MRPS28: variants seen among roughly 807,000 people sequenced by gnomAD.
MRPS28 encodes small ribosomal subunit protein bS1m.
A neutral mutation model predicts 10.8 loss-of-function variants in MRPS28; 7 were observed. That is an observed-to-expected ratio of 0.65 (90% CI 0.37 to 1.22). MRPS28 has a LOEUF of 1.22. Among genes scored for constraint, MRPS28 ranks in the 50% most tolerant of loss-of-function variants. The pLI, the probability that MRPS28 is intolerant of heterozygous loss-of-function variation, is 0.02. For missense variants in MRPS28, 265 were observed against 232.9 expected, an observed-to-expected ratio of 1.14 and a Z score of -0.90; for synonymous variants, 121 against 93.3, an observed-to-expected ratio of 1.30 and a Z score of -1.71.
At chr8:79,919,946 C>CCTCCCCT (rs1342135335) in intron 2 of MRPS28, among the ~76,000 whole-genome samples, 2 of 119,028 alleles carry the variant, frequency 1.7e-5, no homozygotes, top group Non-Finnish European at 3.4e-5. Flanking sequence ...ATCCCTCCCC[C>CCTCCCCT]CACCCCATAA....
At chr8:80,024,695 G>A (rs1809454728) in intron 1 of MRPS28, among the ~76,000 whole-genome samples, 1 of 152,166 alleles carries the variant, frequency 6.6e-6, no homozygotes. Flanking sequence ...CCATCAAACT[G>A]TTTAAATTTC....
rs1462480331 is a variant in MRPS28 at position 80,007,809 on chromosome 8, A to G, written c.214-4629T>C. 1.8e-3 allele frequency among the ~76,000 whole-genome samples: 281 copies of G among 152,178 alleles called. 4 individuals are homozygous for G. The highest frequency in any genetic ancestry group is 1.4e-3 in the Non-Finnish European group (98 of 67,988). On this transcript the variant is annotated intron_variant, in intron 1 of 2. Coordinates refer to ENST00000276585, the MANE Select transcript of MRPS28 (RefSeq NM_014018.3). ...AATGGAAGAACATTCCATGCTCATG[A>G]ATAGGAAGAATCAATATCATGAAAA...
intron 2 of MRPS28, among the ~76,000 whole-genome samples, chr8:79,933,725 G>T (rs1013795775): frequency 6.6e-6 from 1 of 152,118 alleles, no homozygotes; most frequent in African/African-American, 2.4e-5. Context: ...GAAGTATCAA[G>T]GAATTCTTGG....
chr8:79,968,069 T>A (rs1037128056), intron 2 of MRPS28, among the ~76,000 whole-genome samples: 1 of 152,136 alleles, frequency 6.6e-6, no homozygotes, highest in African/African-American at 2.4e-5. Context: ...TATTTACTTA[T>A]CAATTCTTAC....
chr8:79,973,839 TAAAA>T (rs11449920), intron 2 of MRPS28, among the ~76,000 whole-genome samples: 3 of 136,120 alleles, frequency 2.2e-5, no homozygotes, highest in African/African-American at 8.2e-5. Flanking sequence ...AATAAATTAA[TAAAA>T]AAAAAAAAAA....
rs1193631175 is a variant in MRPS28, at chr8:79,947,992, C to CT, written c.396-28845dup. 8.2e-3 allele frequency among the ~76,000 whole-genome samples: 991 copies of CT among 121,568 alleles called. 8 individuals are homozygous for CT. The highest frequency in any genetic ancestry group is 0.025 in the African/African-American group (850 of 33,350). 79.8% of individuals were successfully genotyped at this position (121,568 alleles called of 152,430 possible). A position where few individuals can be genotyped will look rare whatever the true frequency, so the allele number is the denominator to read the frequency against. ...AGTGTTAAATTTTTCTTTTTTTCTT[C>CT]TTTTTTTTTTTTTGAGATGGAGTCT... On this transcript the variant is annotated intron_variant, in intron 2 of 2. Transcript: ENST00000276585.
chr8:80,000,511 G>C (rs1808632855), intron 2 of MRPS28, among the ~76,000 whole-genome samples: 1 of 152,122 alleles, frequency 6.6e-6, no homozygotes, highest in South Asian at 2.1e-4. Flanking sequence ...GCTTCACTGG[G>C]GGGAGAACAG....
chr8:79,957,768 T>C (rs1242494478), intron 2 of MRPS28: 2 of 152,030 alleles, frequency 1.3e-5, no homozygotes, highest in African/African-American at 4.8e-5. Flanking sequence ...TATGAGACAG[T>C]ACCCAGTATA....
chr8:79,932,807 G>T (rs1040519815), intron 2 of MRPS28, among the ~76,000 whole-genome samples: 8 of 152,322 alleles, frequency 5.3e-5, no homozygotes, highest in Non-Finnish European at 7.3e-5. Flanking sequence ...TAACACCACT[G>T]ATAAAGCTGT....
intron 1 of MRPS28, among the ~76,000 whole-genome samples, chr8:80,017,096 T>C (rs1809216202): frequency 6.6e-6 from 1 of 152,188 alleles, no homozygotes; most frequent in Non-Finnish European, 1.5e-5. Flanking sequence ...AATCATGCAA[T>C]GTCTGCTTTC....
chr8:79,990,436 T>A (rs1808328940), intron 2 of MRPS28, among the ~76,000 whole-genome samples: 1 of 152,044 alleles, frequency 6.6e-6, no homozygotes, highest in Non-Finnish European at 1.5e-5. Flanking sequence ...TGGTATCCAC[T>A]CCATCTCACA....
intron 2 of MRPS28, among the ~76,000 whole-genome samples, chr8:79,926,009 A>G (rs1022325147): frequency 1.3e-5 from 2 of 151,826 alleles, no homozygotes; most frequent in Non-Finnish European, 2.9e-5. Flanking sequence ...AAAAAAAAAA[A>G]GAAAAAAAGA....
chr8:79,985,119 A>T (rs533687878), intron 2 of MRPS28, among the ~76,000 whole-genome samples: 14 of 152,280 alleles, frequency 9.2e-5, no homozygotes, highest in Admixed American at 2.6e-4. Flanking sequence ...GGATTAGGAA[A>T]CTCACTCAAA....
At chr8:79,945,113 C>A (rs1485119113) in intron 2 of MRPS28, among the ~76,000 whole-genome samples, 1 of 152,048 alleles carries the variant, frequency 6.6e-6, no homozygotes, top group African/African-American at 2.4e-5. Flanking sequence ...ACTTTACATG[C>A]AATACATAAA....
At chr8:79,955,420 A>C (rs1425671034) in intron 2 of MRPS28, among the ~76,000 whole-genome samples, 1 of 152,124 alleles carries the variant, frequency 6.6e-6, no homozygotes, top group Admixed American at 6.6e-5. Flanking sequence ...CTGGTTCATG[A>C]GGTACATTTT....
chr8:79,919,240 T>C, intron 2 of MRPS28, 92 bp from the exon 3 acceptor site: 1 of 993,404 alleles, frequency 1.0e-6, no homozygotes, highest in Non-Finnish European at 1.4e-6. Flanking sequence ...CAATTTTAAT[T>C]TGTGTTAGCT....
chr8:79,973,718 C>CT (rs776838051), intron 2 of MRPS28, among the ~76,000 whole-genome samples: 232 of 151,936 alleles, frequency 1.5e-3, no homozygotes, highest in Non-Finnish European at 2.7e-3. Context: ...ATGGGTGTTT[C>CT]TGCCACTCAG....
At chr8:79,984,715 G>C (rs1586077191) in intron 2 of MRPS28, among the ~76,000 whole-genome samples, 1 of 152,150 alleles carries the variant, frequency 6.6e-6, no homozygotes, top group Non-Finnish European at 1.5e-5. Context: ...AATTCAACAA[G>C]AAGAGCTAAC....
At chr8:79,990,104 T>C (rs10087841) in intron 2 of MRPS28, among the ~76,000 whole-genome samples, 112,328 of 152,136 alleles carry the variant, frequency 0.74, 41,665 homozygotes, top group East Asian at 0.85. Context: ...GAGGTTGCAG[T>C]GAGCTGAGAT....
Sources: gnomAD v4.1 joint callset for allele counts (sites outside exome capture counted in the v4.1 genomes callset) on GRCh38, gnomAD v4.1.1 for gene constraint, MANE v1.5 for transcripts, NCBI Gene and HGNC (gene_info 2026-07-23, HGNC 2026-07-21) for gene names.